Variants in CRHBP observed in about 807,000 individuals in gnomAD.
The protein encoded by CRHBP is corticotropin releasing hormone binding protein.
In CRHBP, 19 loss-of-function variants were observed where a neutral mutation model predicts 34.9. The ratio of observed to expected loss-of-function variants is 0.55; its 90% confidence interval spans 0.38 to 0.80. CRHBP has a LOEUF of 0.80. Among genes scored for constraint, CRHBP ranks in the 30% least tolerant of loss-of-function variants. The pLI is 0.00. For missense variants in CRHBP, 328 were observed against 409.2 expected, an observed-to-expected ratio of 0.80 and a Z score of 1.71; for synonymous variants, 154 against 153.4, an observed-to-expected ratio of 1.00 and a Z score of -0.03.
intron 1 of CRHBP, 55 bp downstream of exon 1, chr5:76,953,270 G>A (rs1174549411): frequency 1.0e-5 from 16 of 1,532,026 alleles, no homozygotes; most frequent in Non-Finnish European, 1.4e-5. Flanking sequence ...AGCCCTAGGC[G>A]GCAGGCAGGC....
chr5:76,968,189 C>A (rs1745888440), intron 6 of CRHBP, among the ~76,000 whole-genome samples: 1 of 146,206 alleles, frequency 6.8e-6, no homozygotes. Flanking sequence ...AAATGATAAA[C>A]AGGTGTTTTT....
At chr5:76,959,961 A>C (rs1437309964) in intron 5 of CRHBP, among the ~76,000 whole-genome samples, 1 of 152,222 alleles carries the variant, frequency 6.6e-6, no homozygotes, top group African/African-American at 2.4e-5. Flanking sequence ...TGTTCTAGGC[A>C]TCTGTTCCTT....
rs375907004 is a variant in CRHBP at position 76,963,361 on chromosome 5, G to A, written c.712G>A (p.Glu238Lys). 2.3e-5 allele frequency: 37 copies of A among 1,613,952 alleles called. No homozygotes were observed. The highest frequency in any genetic ancestry group is 1.1e-4 in the African/African-American group (8 of 74,898). ...LQLKKSSAGC[E>K]GIGDFVELLG... ...CCCTTAGAAATCCTCAGCAGGTTGC[G>A]AGGGAATAGGAGACTTTGTGGAGCT... The change falls in exon 6 of 7, where the codon GAG becomes AAG. Residue 238 changes from glutamate (E) to lysine (K), a missense_variant. Physicochemically the swap from Glu to Lys is moderately conservative, Grantham distance 56. This residue lies in a region of CRHBP where 144 missense variants were observed against 216.7 expected (regional missense o/e 0.66). Transcript: ENST00000274368.
chr5:76,972,360 C>T (rs1745959814), downstream of CRHBP, among the ~76,000 whole-genome samples: 1 of 152,060 alleles, frequency 6.6e-6, no homozygotes, highest in Non-Finnish European at 1.5e-5. Context: ...ATTAGCCGGG[C>T]ATGGAGGCAG....
At chr5:76,953,319 C>A in intron 1 of CRHBP, 104 bp downstream of exon 1, 2 of 1,083,132 alleles carry the variant, frequency 1.8e-6, no homozygotes, top group Non-Finnish European at 2.8e-6. Context: ...GCTGTTTCTT[C>A]CCTCTCTGCT....
At chr5:76,956,817 T>C (rs1201237128) in intron 4 of CRHBP, among the ~76,000 whole-genome samples, 1 of 152,128 alleles carries the variant, frequency 6.6e-6, no homozygotes, top group African/African-American at 2.4e-5. Flanking sequence ...GGAACACATA[T>C]CACTCATTTT....
In CRHBP at chr5:76,960,146, G is replaced by A. The variant is rs560145887; in HGVS notation, c.693+1257G>A. Among the ~76,000 whole-genome samples, 14 of 152,308 alleles carry A rather than the reference G, an allele frequency of 9.2e-5. No homozygotes were observed. In the South Asian group the frequency reaches 2.5e-3, roughly 27 times the overall value. ...AGTGCTATACAGAAAATGCAGCAGA[G>A]TAGTGTGGTAGACAGTGACTGGGAG... On this transcript the variant is annotated intron_variant, in intron 5 of 6. Transcript: ENST00000274368.
rs116035767 is a variant in CRHBP at position 76,956,406 on chromosome 5, A to T, written c.544+543A>T. ...GATGGACACACACGTAGCTTATGCTACACAACTGAACAGCCCAGGTCTAAA... is the reference window on the plus strand; with the variant it reads ...GATGGACACACACGTAGCTTATGCTTCACAACTGAACAGCCCAGGTCTAAA... On this transcript the variant is annotated intron_variant, in intron 4 of 6. Coordinates refer to ENST00000274368, the MANE Select transcript of CRHBP (RefSeq NM_001882.4). Among the ~76,000 whole-genome samples, 608 of 152,322 alleles carry T rather than the reference A, an allele frequency of 4.0e-3. 4 individuals are homozygous for T. The highest frequency in any genetic ancestry group is 0.014 in the African/African-American group (578 of 41,576).
Position 76,954,073 on chromosome 5 carries a change from G to A in CRHBP, c.220G>A (p.Ala74Thr), listed in dbSNP as rs115716724. The A allele has an allele frequency of 2.2e-4, 354 of 1,613,866 alleles. 1 individual carries two copies. The African/African-American group carries it at 4.4e-3, about 20-fold the overall frequency. The change falls in exon 3 of 7, where the codon GCC (alanine) becomes ACC (threonine). Residue 74 changes from alanine (A) to threonine (T), a missense_variant. Physicochemically the swap from Ala to Thr is moderately conservative, Grantham distance 58 (BLOSUM62 0). This residue lies in a region of CRHBP where 173 missense variants were observed against 172.2 expected (regional missense o/e 1.00). Coordinates refer to ENST00000274368, the MANE Select transcript of CRHBP (RefSeq NM_001882.4). ...CCTCCAGGGCCAGTTCACCTTCACC[G>A]CCGACCGGCCGCAGCTGCACTGCGC... is the stretch of plus-strand genomic sequence containing the variant. ...LSLQGQFTFT[A>T]DRPQLHCAAF... is the part of the protein sequence containing the mutation.
chr5:76,957,010 TAAAG>T (rs1250840275), intron 4 of CRHBP, among the ~76,000 whole-genome samples: 9 of 152,096 alleles, frequency 5.9e-5, no homozygotes, highest in African/African-American at 2.2e-4. Flanking sequence ...GAAGACAAAA[TAAAG>T]AGTTTCCCCT....
intron 3 of CRHBP, among the ~76,000 whole-genome samples, chr5:76,979,592 G>C (rs879870118): frequency 1.3e-5 from 2 of 151,046 alleles, no homozygotes; most frequent in East Asian, 3.9e-4. Context: ...CTCATGATCC[G>C]CCTGTCTCAG....
chr5:76,975,825 A>AAAAAAAAATATATATATATAT, intron 2 of CRHBP, among the ~76,000 whole-genome samples: 2 of 61,856 alleles, frequency 3.2e-5, no homozygotes, highest in African/African-American at 1.8e-4. Context: ...AAAAAAAAAA[A>AAAAAAAAATATATATATATAT]ATATATATAT....
chr5:76,979,946 A>G (rs1323390963), intron 3 of CRHBP, among the ~76,000 whole-genome samples: 2 of 152,068 alleles, frequency 1.3e-5, no homozygotes, highest in Non-Finnish European at 2.9e-5. Flanking sequence ...GAAGTAAATC[A>G]CACAGTTAGA....
chr5:76,968,918 T>C lies in CRHBP; in HGVS notation c.*33T>C, dbSNP rs752577956. On this transcript the variant is annotated 3_prime_UTR_variant, in exon 7 of 7. Coordinates refer to ENST00000274368, the MANE Select transcript of CRHBP (RefSeq NM_001882.4). ...ACCCAGTGATTTACATGCTGATAGC[T>C]AAGTGAGTTTTTAATGGCCATTGTG... is the stretch of plus-strand genomic sequence containing the variant. The C allele has an allele frequency of 1.9e-6, 3 of 1,599,272 alleles. No homozygotes were observed. Among genetic ancestry groups the C allele is most frequent in the Middle Eastern group, 1.7e-4 (1 of 6,004 alleles).
At chr5:76,972,696 T>C (rs147568881), downstream of CRHBP, among the ~76,000 whole-genome samples, 64 of 152,348 alleles carry the variant, frequency 4.2e-4, no homozygotes, top group African/African-American at 1.5e-3. Context: ...GCCTGCCATC[T>C]ATGGAATATC....
At chr5:76,967,249 A>G (rs1454801853) in intron 6 of CRHBP, among the ~76,000 whole-genome samples, 1 of 152,212 alleles carries the variant, frequency 6.6e-6, no homozygotes, top group African/African-American at 2.4e-5. Flanking sequence ...CACAAAAAAA[A>G]GAAAGGAAAG....
intron 4 of CRHBP, 89 bp downstream of exon 4, chr5:76,955,952 C>A: frequency 8.6e-7 from 1 of 1,167,876 alleles, no homozygotes; most frequent in Non-Finnish European, 1.2e-6. Context: ...GAAATTTGAA[C>A]TGAGGAATGA....
intron 5 of CRHBP, 52 bp downstream of exon 5, chr5:76,958,941 G>C: frequency 1.3e-6 from 2 of 1,581,492 alleles, no homozygotes; most frequent in Non-Finnish European, 1.7e-6. Context: ...AACTTTATCA[G>C]AGCAGAAGCA....
At position 76,968,930 on chromosome 5, in the gene CRHBP, T is replaced by C. The variant is rs1481164590; in HGVS notation, c.*45T>C. 1.9e-6 allele frequency: 3 copies of C among 1,593,064 alleles called. No homozygotes were observed. Among genetic ancestry groups the C allele is most frequent in the Admixed American group, 1.7e-5 (1 of 58,094 alleles). On this transcript the variant is annotated 3_prime_UTR_variant, in exon 7 of 7. Transcript: ENST00000274368. ...ACATGCTGATAGCTAAGTGAGTTTT[T>C]AATGGCCATTGTGTATGATTTTGAT...
Sources: allele counts gnomAD v4.1 joint callset (sites outside exome capture counted in the v4.1 genomes callset), GRCh38; gene constraint gnomAD v4.1.1; regional missense constraint gnomAD v4.1.1; transcripts MANE v1.5; gene names NCBI Gene and HGNC (gene_info 2026-07-23, HGNC 2026-07-21).